SLIT3: variants seen among roughly 807,000 people sequenced by gnomAD.
SLIT3 encodes the protein slit guidance ligand 3, also known as slit homolog 3 protein.
A neutral mutation model predicts 184.0 loss-of-function variants in SLIT3; 68 were observed. The observed-to-expected ratio is 0.37, with a 90% confidence interval of 0.30 to 0.45. The LOEUF is 0.45. Among genes scored for constraint, SLIT3 ranks in the 20% least tolerant of loss-of-function variants. The pLI is 1.00. For missense variants in SLIT3, 1,707 were observed against 2,026.0 expected (o/e 0.84, Z 3.02); for synonymous variants, 831 against 828.6 (o/e 1.00, Z -0.05).
At chr5:169,174,143 CA>C (rs1762897499) in intron 4 of SLIT3, among the ~76,000 whole-genome samples, 1 of 152,194 alleles carries the variant, frequency 6.6e-6, no homozygotes, top group African/African-American at 2.4e-5. Flanking sequence ...TGGATGAAGA[CA>C]AGACCTAGTG....
chr5:169,139,745 G>A (rs114385190), intron 4 of SLIT3, among the ~76,000 whole-genome samples: 2,730 of 152,290 alleles, frequency 0.018, 87 homozygotes, highest in African/African-American at 0.062. Flanking sequence ...TTGTGAGACT[G>A]AGGCACTTCT....
At position 169,185,804 on chromosome 5, in the gene SLIT3, G is replaced by C. The variant is rs983860599; in HGVS notation, c.413+7675C>G. Among the ~76,000 whole-genome samples the C allele has an allele frequency of 2.0e-5, 3 of 152,132 alleles. 1 individual carries two copies. Among genetic ancestry groups the C allele is most frequent in the Non-Finnish European group, 1.5e-5 (1 of 68,034 alleles). On this transcript the variant is annotated intron_variant, in intron 4 of 35. Transcript: ENST00000519560. ...GCATTTACTAAATTCCTAACTAGGC[G>C]CCTGGCACTTTAGTTAGTAACTTCT...
chr5:169,120,365 G>T (rs1298146840), intron 4 of SLIT3: 1 of 152,250 alleles, frequency 6.6e-6, no homozygotes, highest in Admixed American at 6.5e-5. Context: ...ACTGGGCCTG[G>T]GAGGAGAAAG....
Position 168,705,376 on chromosome 5 carries a change from C to T in SLIT3, c.2844+2600G>A, listed in dbSNP as rs758857871. ...TAATACATGTACCTTATTTAGTCTA[C>T]TGTCAGTACATAGTAGATACTCAAT... On this transcript the variant is annotated intron_variant, in intron 26 of 35. Coordinates refer to ENST00000519560, the MANE Select transcript of SLIT3 (RefSeq NM_003062.4). Among the ~76,000 whole-genome samples, 3 of 152,316 alleles carry T rather than the reference C, an allele frequency of 2.0e-5. No individual in the cohort carries two copies. The South Asian group carries it at 6.2e-4, about 32-fold the overall frequency.
chr5:169,134,742 A>G (rs1761436776), intron 4 of SLIT3, among the ~76,000 whole-genome samples: 1 of 152,244 alleles, frequency 6.6e-6, no homozygotes, highest in Non-Finnish European at 1.5e-5. Context: ...TAGAACTTAA[A>G]GTATAATACT....
intron 4 of SLIT3, among the ~76,000 whole-genome samples, chr5:169,187,586 G>A (rs1380686254): frequency 1.5e-5 from 2 of 137,468 alleles, no homozygotes; most frequent in East Asian, 2.2e-4. Context: ...AGACAGTCTC[G>A]CTCTGCCATC....
chr5:169,278,271 G>A (rs1382767994), intron 1 of SLIT3, among the ~76,000 whole-genome samples: 1 of 152,122 alleles, frequency 6.6e-6, no homozygotes, highest in African/African-American at 2.4e-5. Flanking sequence ...TTCCATGCCT[G>A]AAAATCAGTA....
chr5:169,269,409 C>T (rs1225793962), intron 1 of SLIT3, among the ~76,000 whole-genome samples: 1 of 152,232 alleles, frequency 6.6e-6, no homozygotes, highest in Non-Finnish European at 1.5e-5. Context: ...TGAGAGGCCT[C>T]AAACTAATGC....
chr5:168,782,482 C>T (rs1017724594), intron 12 of SLIT3, among the ~76,000 whole-genome samples: 9 of 152,128 alleles, frequency 5.9e-5, no homozygotes, highest in African/African-American at 1.4e-4. Context: ...TCTCAGGGCA[C>T]GAGGGCTGGC....
At chr5:168,740,135 G>A (rs1000878069) in intron 20 of SLIT3, among the ~76,000 whole-genome samples, 2 of 152,170 alleles carry the variant, frequency 1.3e-5, no homozygotes, top group African/African-American at 2.4e-5. Flanking sequence ...ACATTTAAGA[G>A]CCTCTGGTGG....
chr5:168,727,288 C>T (rs1420050762), intron 20 of SLIT3, among the ~76,000 whole-genome samples: 1 of 151,950 alleles, frequency 6.6e-6, no homozygotes, highest in African/African-American at 2.4e-5. Flanking sequence ...CCACTGCACT[C>T]TAGCCTGGGC....
intron 4 of SLIT3, among the ~76,000 whole-genome samples, chr5:169,045,018 G>C (rs1334602265): frequency 1.3e-5 from 2 of 152,194 alleles, no homozygotes; most frequent in Non-Finnish European, 2.9e-5. Flanking sequence ...ATGGTTCACA[G>C]GTTTCTGCGA....
At chr5:169,000,392 CAAAAAAAAAAA>C (rs34002967) in intron 4 of SLIT3, among the ~76,000 whole-genome samples, 1 of 42,316 alleles carries the variant, frequency 2.4e-5, no homozygotes, top group Non-Finnish European at 4.2e-5. Flanking sequence ...AACTCCATCT[CAAAAAAAAAAA>C]AAAAAAAAAA....
chr5:168,994,323 T>G (rs552163036), intron 4 of SLIT3: 1 of 152,148 alleles, frequency 6.6e-6, no homozygotes, highest in Non-Finnish European at 1.5e-5. Context: ...ATCAAAGGCA[T>G]CCTCTGGAAT....
chr5:168,993,705 T>C (rs1417637187), intron 4 of SLIT3, among the ~76,000 whole-genome samples: 1 of 149,308 alleles, frequency 6.7e-6, no homozygotes, highest in Non-Finnish European at 1.5e-5. Context: ...TAAATGATGA[T>C]AGGCAGAAAA....
chr5:168,996,070 G>C (rs1013174198), intron 4 of SLIT3, among the ~76,000 whole-genome samples: 1 of 152,196 alleles, frequency 6.6e-6, no homozygotes, highest in African/African-American at 2.4e-5. Flanking sequence ...ACTTAGCACG[G>C]GGCCAGGCAC....
chr5:169,028,365 C>G (rs1046990495), intron 4 of SLIT3, among the ~76,000 whole-genome samples: 2 of 152,174 alleles, frequency 1.3e-5, no homozygotes, highest in Non-Finnish European at 2.9e-5. Context: ...TGGTCAGCTT[C>G]AGGGCTGTGT....
At chr5:169,144,193 AT>A (rs1761850529) in intron 4 of SLIT3, among the ~76,000 whole-genome samples, 1 of 152,072 alleles carries the variant, frequency 6.6e-6, no homozygotes, top group Non-Finnish European at 1.5e-5. Flanking sequence ...TTTATTTTCC[AT>A]TCTTTGAAGG....
At chr5:169,008,952 T>C (rs567182031) in intron 4 of SLIT3, among the ~76,000 whole-genome samples, 2 of 152,310 alleles carry the variant, frequency 1.3e-5, no homozygotes, top group East Asian at 3.9e-4. Flanking sequence ...TTATTTGCAT[T>C]GAACTGATGA....
Sources: allele counts gnomAD v4.1 joint callset (sites outside exome capture counted in the v4.1 genomes callset), GRCh38; gene constraint gnomAD v4.1.1; transcripts MANE v1.5; gene names NCBI Gene and HGNC (gene_info 2026-07-23, HGNC 2026-07-21).